Variants in SIPA1L1 observed in about 807,000 individuals in gnomAD.
SIPA1L1 encodes the protein signal-induced proliferation-associated 1-like protein 1.
A neutral mutation model predicts 162.7 loss-of-function variants in SIPA1L1; 26 were observed. The ratio of observed to expected loss-of-function variants is 0.16; its 90% CI spans 0.12 to 0.22. The LOEUF (loss-of-function observed/expected upper bound fraction) is 0.22. Among genes scored for constraint, SIPA1L1 ranks in the 10% least tolerant of loss-of-function variants. The pLI, the probability that SIPA1L1 is intolerant of heterozygous loss-of-function variation, is 1.00. For synonymous variants in SIPA1L1, 829 were observed against 837.4 expected (o/e 0.99, Z 0.17); for missense variants, 1,874 against 2,241.0 (o/e 0.84, Z 3.31).
chr14:71,521,595 G>T (rs1472400570), intron 3 of SIPA1L1, among the ~76,000 whole-genome samples: 1 of 152,212 alleles, frequency 6.6e-6, no homozygotes, highest in African/African-American at 2.4e-5. Context: ...CAAATGCTAA[G>T]ATGCCATATT....
chr14:71,699,436 C>T (rs946184531), intron 14 of SIPA1L1, among the ~76,000 whole-genome samples: 4 of 152,054 alleles, frequency 2.6e-5, no homozygotes, highest in Non-Finnish European at 5.9e-5. Flanking sequence ...TTATTTACTC[C>T]AAAGTAGAAA....
chr14:71,441,657 G>A (rs1429244616), intron 2 of SIPA1L1, among the ~76,000 whole-genome samples: 1 of 152,074 alleles, frequency 6.6e-6, no homozygotes, highest in Non-Finnish European at 1.5e-5. Context: ...AATGCTTGTT[G>A]AATGAACGTT....
At chr14:71,630,309 T>C (rs1236008912) in intron 7 of SIPA1L1, among the ~76,000 whole-genome samples, 1 of 152,232 alleles carries the variant, frequency 6.6e-6, no homozygotes, top group African/African-American at 2.4e-5. Flanking sequence ...GTGATCACCC[T>C]GTGCTGGCCT....
chr14:71,484,669 A>G (rs952155419), intron 2 of SIPA1L1, among the ~76,000 whole-genome samples: 1 of 152,220 alleles, frequency 6.6e-6, no homozygotes, highest in Non-Finnish European at 1.5e-5. Flanking sequence ...TCATTTTGCT[A>G]TCCCAGAAAA....
intron 2 of SIPA1L1, among the ~76,000 whole-genome samples, chr14:71,351,879 A>G (rs1432116198): frequency 6.6e-6 from 1 of 151,832 alleles, no homozygotes; most frequent in Non-Finnish European, 1.5e-5. Flanking sequence ...GGGACTCTGT[A>G]CTCAGCCAAC....
chr14:71,345,613 G>T (rs1364382403), intron 2 of SIPA1L1, among the ~76,000 whole-genome samples: 2 of 142,304 alleles, frequency 1.4e-5, no homozygotes, highest in African/African-American at 5.3e-5. Flanking sequence ...TCGCTCTGTC[G>T]CCCAGGCTGG....
intron 2 of SIPA1L1, among the ~76,000 whole-genome samples, chr14:71,446,299 T>G (rs2045336612): frequency 6.6e-6 from 1 of 152,254 alleles, no homozygotes; most frequent in Admixed American, 6.5e-5. Context: ...TTTTACTCTT[T>G]TTCTATGCAT....
chr14:71,668,511 T>C (rs1329355136), intron 10 of SIPA1L1, among the ~76,000 whole-genome samples: 1 of 152,118 alleles, frequency 6.6e-6, no homozygotes, highest in African/African-American at 2.4e-5. Flanking sequence ...ACCCAAAGAT[T>C]TTGGAGTGAG....
At chr14:71,428,594 G>T (rs2043757413) in intron 2 of SIPA1L1, among the ~76,000 whole-genome samples, 1 of 152,138 alleles carries the variant, frequency 6.6e-6, no homozygotes, top group Non-Finnish European at 1.5e-5. Flanking sequence ...GGGGTAAAGA[G>T]AAAATTGAAT....
intron 2 of SIPA1L1, among the ~76,000 whole-genome samples, chr14:71,346,306 C>T (rs1290374962): frequency 6.6e-6 from 1 of 152,178 alleles, no homozygotes. Flanking sequence ...CTGGAGACAT[C>T]TGATAAGTCT....
chr14:71,546,723 G>A (rs137997858), intron 4 of SIPA1L1, among the ~76,000 whole-genome samples: 15 of 152,128 alleles, frequency 9.9e-5, no homozygotes, highest in Non-Finnish European at 2.9e-5. Flanking sequence ...ATGACTAACC[G>A]TGTTAGTATC....
intron 2 of SIPA1L1, among the ~76,000 whole-genome samples, chr14:71,326,123 T>G (rs2033765965): frequency 6.6e-6 from 1 of 152,234 alleles, no homozygotes; most frequent in South Asian, 2.1e-4. Flanking sequence ...GGTTATTTCT[T>G]TTCTCTTTCT....
chr14:71,685,414 G>A lies in SIPA1L1; in HGVS notation c.3157G>A (p.Gly1053Ser), dbSNP rs1248582084. ...MPVMEYKMNE[G>S]VSYEFKFPFR... ...AGTGATGGAGTACAAAATGAATGAA[G>A]GTGTTTCATACGAATTCAAGTTTCC... The change falls in exon 13 of 24, where the codon GGT (glycine) becomes AGT (serine). Residue 1053 changes from glycine to serine, a missense_variant. Transcript: ENST00000381232. 1 of 1,614,030 alleles carries A rather than the reference G, an allele frequency of 6.2e-7. No individual in the cohort carries two copies. Among genetic ancestry groups the A allele is most frequent in the East Asian group, 2.2e-5 (1 of 44,886 alleles).
Position 71,600,296 on chromosome 14 carries a change from G to A in SIPA1L1, c.1498+10926G>A, listed in dbSNP as rs532157754. On this transcript the variant is annotated intron_variant, in intron 5 of 23. Transcript: ENST00000381232. Reference sequence around the variant, plus strand: ...CCATCTTCAGTTGATTTTGTATATAGCGAGAGACAGGATTGTAGAATTTTC... The same window carrying A: ...CCATCTTCAGTTGATTTTGTATATAACGAGAGACAGGATTGTAGAATTTTC... Among the ~76,000 whole-genome samples the A allele has an allele frequency of 3.9e-5, 6 of 152,138 alleles. No homozygotes were observed. In the East Asian group the frequency reaches 1.2e-3, roughly 29 times the overall value.
rs1224732645 is a variant in SIPA1L1 at position 71,709,533 on chromosome 14, G to C, written c.4077G>C (p.Glu1359Asp). ...ISMADRTLET[E>D]SHGLDRKTES... ...TGGCAGATCGGACTTTGGAGACAGA[G>C]AGCCACGGCCTGGACCGGAAAACAG... Residue 1359 changes from glutamate (E) to aspartate (D), a missense_variant, in exon 17 of 24, where the codon GAG (glutamate) becomes GAC (aspartate). By Grantham distance (45) the Glu-to-Asp change is conservative. Transcript: ENST00000381232. 2 of 1,614,088 alleles carry C rather than the reference G, an allele frequency of 1.2e-6. No homozygotes were observed. The highest frequency in any genetic ancestry group is 1.3e-5 in the African/African-American group (1 of 74,928).
chr14:71,490,889 C>T (rs1355578979), intron 2 of SIPA1L1, among the ~76,000 whole-genome samples: 3 of 152,108 alleles, frequency 2.0e-5, no homozygotes, highest in South Asian at 4.1e-4. Flanking sequence ...GTACATACAT[C>T]GTAGAGAACA....
At chr14:71,656,514 A>ATAG (rs1427637300) in intron 8 of SIPA1L1, among the ~76,000 whole-genome samples, 1 of 152,234 alleles carries the variant, frequency 6.6e-6, no homozygotes, top group Non-Finnish European at 1.5e-5. Context: ...CCTGTCTTAA[A>ATAG]TAGTTCAGTT....
At chr14:71,716,245 G>T (rs961151436) in intron 17 of SIPA1L1, among the ~76,000 whole-genome samples, 4 of 152,174 alleles carry the variant, frequency 2.6e-5, no homozygotes, top group African/African-American at 9.7e-5. Flanking sequence ...CACAGTGGGA[G>T]GAGTCCTCCT....
At chr14:71,527,178 C>T (rs2052965620) in intron 3 of SIPA1L1, among the ~76,000 whole-genome samples, 1 of 152,122 alleles carries the variant, frequency 6.6e-6, no homozygotes, top group Non-Finnish European at 1.5e-5. Flanking sequence ...CCCCCTAGGA[C>T]AGAGTCTTGC....
Sources: gnomAD v4.1 joint callset for allele counts (sites outside exome capture counted in the v4.1 genomes callset) on GRCh38, gnomAD v4.1.1 for gene constraint, MANE v1.5 for transcripts, NCBI Gene and HGNC (gene_info 2026-07-23, HGNC 2026-07-21) for gene names.